The following ZBTB7B variants were observed in gnomAD, a reference collection of about 807,000 sequenced individuals.
The protein encoded by ZBTB7B is zinc finger and BTB domain containing 7B, also known as zinc finger and BTB domain-containing protein 7B.
A neutral mutation model predicts 31.0 loss-of-function variants in ZBTB7B; 8 were observed. That is an observed-to-expected ratio of 0.26 (90% CI 0.15 to 0.47). The LOEUF is 0.47. Among genes scored for constraint, ZBTB7B ranks in the 20% least tolerant of loss-of-function variants. ZBTB7B has a pLI of 0.99. For synonymous variants in ZBTB7B, 261 were observed against 307.3 expected (o/e 0.85, Z 1.58); for missense variants, 494 against 742.4 (o/e 0.67, Z 3.89).
Position 155,015,187 on chromosome 1 carries a change from A to G in ZBTB7B, c.527A>G (p.Asn176Ser), listed in dbSNP as rs151099517. The G allele has an allele frequency of 7.1e-5, 115 of 1,613,592 alleles. No individual in the cohort carries two copies. Among genetic ancestry groups the G allele is most frequent in the Middle Eastern group, 3.3e-4 (2 of 6,084 alleles). Residue 176 changes from asparagine (N) to serine (S), a missense_variant, in exon 2 of 3, where the codon AAT (asparagine) becomes AGT (serine). Physicochemically the swap from Asn to Ser is conservative, Grantham distance 46. Transcript: ENST00000535420. ...FATATASGVPNGEDSPPQVPL... is the reference protein window; with the variant it reads ...FATATASGVPSGEDSPPQVPL... ...ACAGCCACGGCCTCTGGAGTTCCCA[A>G]TGGTGAAGACAGTCCTCCACAGGTG...
Position 155,015,240 on chromosome 1 carries a change from C to T in ZBTB7B, c.580C>T (p.Pro194Ser). 6.2e-7 allele frequency: 1 copy of T among 1,613,776 alleles called. No individual in the cohort carries two copies. Among genetic ancestry groups the T allele is most frequent in the South Asian group, 1.1e-5 (1 of 91,080 alleles). The part of the protein sequence containing the change: ...VPLPPPPPPP[P>S]RPVARRSRKP... ...CCTCCCACCACCTCCGCCACCGCCA[C>T]CTCGGCCTGTTGCCCGCCGCAGCCG... Residue 194 changes from proline (P) to serine (S), a missense_variant, in exon 2 of 3, where the codon CCT becomes TCT. Pro to Ser is a moderately conservative substitution (Grantham distance 74). Around this residue, in one of 5 missense-constraint regions of ZBTB7B, gnomAD observed 216 missense variants for 229.3 expected, o/e 0.94. Transcript: ENST00000535420.
chr1:155,007,930 G>A (rs1384048385), intron 1 of ZBTB7B, among the ~76,000 whole-genome samples: 1 of 152,092 alleles, frequency 6.6e-6, no homozygotes, highest in Non-Finnish European at 1.5e-5. Flanking sequence ...GTGTCTGGGG[G>A]TCACTAGGGC....
chr1:155,013,364 C>T (rs1659130354), intron 1 of ZBTB7B, among the ~76,000 whole-genome samples: 2 of 152,326 alleles, frequency 1.3e-5, no homozygotes, highest in Non-Finnish European at 2.9e-5. Flanking sequence ...TGCTCCAGAC[C>T]CACAAAATGT....
At chr1:155,014,450 AC>A (rs1558089172) in intron 1 of ZBTB7B, 2 of 601,650 alleles carry the variant, frequency 3.3e-6, no homozygotes, top group African/African-American at 3.7e-5. Context: ...AAATCACTTC[AC>A]CTGTCTGAAC....
Position 155,004,386 on chromosome 1 carries a change from T to C in ZBTB7B, c.-7+1443T>C, listed in dbSNP as rs145259721. Among the ~76,000 whole-genome samples, 126 of 152,196 alleles carry C rather than the reference T, an allele frequency of 8.3e-4. 1 individual carries two copies. The highest frequency in any genetic ancestry group is 2.6e-3 in the African/African-American group (108 of 41,504). ...CAGGGACGGGGGAACCAGATTGGGC[T>C]GTGAGGGGTTAAAGCAGGATGGGAA... On this transcript the variant is annotated intron_variant, in intron 1 of 2. Coordinates refer to ENST00000535420, the MANE Select transcript of ZBTB7B (RefSeq NM_001256455.2). The surrounding 1 kb of genome is among the most constrained non-coding windows in gnomAD (Gnocchi z 4.0).
intron 1 of ZBTB7B, chr1:155,010,426 G>A (rs1243789376): frequency 6.4e-6 from 1 of 157,180 alleles, no homozygotes; most frequent in Non-Finnish European, 1.4e-5. Flanking sequence ...GAGGTTAGGA[G>A]GGGGAAGCGT....
rs771610219 is a variant in ZBTB7B, at chr1:155,016,424, C to A, written c.1359C>A (p.Asn453Lys). The change falls in exon 3 of 3, where the codon AAC becomes AAA. Residue 453 changes from asparagine to lysine, a missense_variant. By Grantham distance (94) the Asn-to-Lys change is moderately conservative (BLOSUM62 0). Coordinates refer to ENST00000535420, the MANE Select transcript of ZBTB7B (RefSeq NM_001256455.2). The surrounding 1 kb of genome is among the most constrained non-coding windows in gnomAD (Gnocchi z 4.3). ...DHLQRHLKGQ[N>K]CLEVRTRRRR... ...TGCAGCGCCACCTCAAAGGCCAGAA[C>A]TGCCTGGAGGTGCGCACCCGACGGC... 1.2e-6 allele frequency: 2 copies of A among 1,614,160 alleles called. No homozygotes were observed. Among genetic ancestry groups the A allele is most frequent in the Non-Finnish European group, 1.7e-6 (2 of 1,180,020 alleles).
chr1:155,008,268 G>A (rs969970198), intron 1 of ZBTB7B, among the ~76,000 whole-genome samples: 13 of 152,304 alleles, frequency 8.5e-5, no homozygotes, highest in Admixed American at 2.0e-4. Flanking sequence ...GTTGGCACCC[G>A]GGCAAGGAAC....
intron 2 of ZBTB7B, 33 bp downstream of exon 2, chr1:155,015,847 G>T: frequency 1.3e-6 from 2 of 1,594,998 alleles, no homozygotes; most frequent in Non-Finnish European, 1.7e-6. Flanking sequence ...CCCGGCAGGG[G>T]CCATGGGTAG....
At chr1:155,007,371 C>G (rs1054073575) in intron 1 of ZBTB7B, among the ~76,000 whole-genome samples, 1 of 152,198 alleles carries the variant, frequency 6.6e-6, no homozygotes, top group Non-Finnish European at 1.5e-5. Flanking sequence ...AGCAGCCCCA[C>G]CCCACTCCCT....
chr1:155,012,764 C>T (rs1422898129), intron 1 of ZBTB7B, among the ~76,000 whole-genome samples: 2 of 151,324 alleles, frequency 1.3e-5, no homozygotes, highest in African/African-American at 2.4e-5. Flanking sequence ...CTTCTTGTGT[C>T]CTAAAGAGGA....
intron 1 of ZBTB7B, among the ~76,000 whole-genome samples, chr1:155,012,035 GC>G (rs1659023194): frequency 1.3e-5 from 2 of 152,292 alleles, no homozygotes; most frequent in Admixed American, 6.5e-5. Context: ...CATGTCCTCT[GC>G]CTCTCCCCCT....
Position 155,015,488 on chromosome 1 carries a change from G to A in ZBTB7B, c.828G>A (p.Glu276=). ...GPQSYEPYEG[E]EEEEELVYPP... ...AGAGCTACGAACCCTATGAGGGTGA[G>A]GAAGAAGAAGAGGAGCTGGTATATC... The change falls in exon 2 of 3, where the codon GAG becomes GAA. Residue 276 remains glutamate (E), a synonymous_variant. Transcript: ENST00000535420. 2 of 1,613,126 alleles carry A rather than the reference G, an allele frequency of 1.2e-6. No homozygotes were observed. Among genetic ancestry groups the A allele is most frequent in the African/African-American group, 2.7e-5 (2 of 75,028 alleles).
chr1:155,014,652 CAGG>C lies in ZBTB7B; in HGVS notation c.-6_-4del. Reference sequence around the variant, plus strand: ...TTAATCTCCCCTCTACTTGACTCTGCAGGAGAAGATGGGGAGCCCCGAGGATGA... The same window carrying C: ...TTAATCTCCCCTCTACTTGACTCTGCAGAAGATGGGGAGCCCCGAGGATGA... On this transcript the variant is annotated splice_acceptor_variant and 5_prime_UTR_variant, in exon 2 of 3. Coordinates refer to ENST00000535420, the MANE Select transcript of ZBTB7B (RefSeq NM_001256455.2). LOFTEE classifies it low-confidence loss of function (5UTR_SPLICE). 1 of 1,608,504 alleles carries C rather than the reference CAGG, an allele frequency of 6.2e-7. No homozygotes were observed. The highest frequency in any genetic ancestry group is 2.2e-5 in the East Asian group (1 of 44,790).
chr1:155,002,078 G>A (rs1658254802), upstream of ZBTB7B, among the ~76,000 whole-genome samples: 1 of 151,904 alleles, frequency 6.6e-6, no homozygotes, highest in Non-Finnish European at 1.5e-5. Context: ...CCCTGTAGGG[G>A]GTGCTCGATT....
At chr1:155,014,345 T>C in intron 1 of ZBTB7B, 1 of 285,944 alleles carries the variant, frequency 3.5e-6, no homozygotes, top group Non-Finnish European at 6.6e-6. Flanking sequence ...GCAGGGCTCC[T>C]GCTGCCACAG....
In ZBTB7B at chr1:155,004,144, G is replaced by A. The variant is rs1183818708; in HGVS notation, c.-7+1201G>A. On this transcript the variant is annotated intron_variant, in intron 1 of 2. Transcript: ENST00000535420. The surrounding 1 kb of genome is among the most constrained non-coding windows in gnomAD (Gnocchi z 4.0). Reference sequence around the variant, plus strand: ...CGGTGCTAGCTGACCCACAGGAAACGAGCGCTGCTGACCTAGTTTGGGACA... The same window carrying A: ...CGGTGCTAGCTGACCCACAGGAAACAAGCGCTGCTGACCTAGTTTGGGACA... 6.6e-6 allele frequency among the ~76,000 whole-genome samples: 1 copy of A among 152,228 alleles called. No individual in the cohort carries two copies. Among genetic ancestry groups the A allele is most frequent in the Admixed American group, 6.5e-5 (1 of 15,288 alleles).
chr1:155,004,499 A>G lies in ZBTB7B; in HGVS notation c.-7+1556A>G, dbSNP rs1658439805. ...GCCTCCTGCTGCCCCACACACACCA[A>G]CTGGTTTGGTCACCCCTGTACCCGC... On this transcript the variant is annotated intron_variant, in intron 1 of 2. Coordinates refer to ENST00000535420, the MANE Select transcript of ZBTB7B (RefSeq NM_001256455.2). This position sits in a 1 kb window ranked among gnomAD's most constrained non-coding sequence, Gnocchi z 4.0. Among the ~76,000 whole-genome samples, 1 of 152,056 alleles carries G rather than the reference A, an allele frequency of 6.6e-6. No homozygotes were observed. The highest frequency in any genetic ancestry group is 1.5e-5 in the Non-Finnish European group (1 of 67,968).
chr1:155,006,075 A>G (rs533675723), intron 1 of ZBTB7B, among the ~76,000 whole-genome samples: 1 of 152,280 alleles, frequency 6.6e-6, no homozygotes, highest in African/African-American at 2.4e-5. Flanking sequence ...AGTGGCTTCA[A>G]AGCAGGTCCT....
Sources: gnomAD v4.1 joint callset for allele counts (sites outside exome capture counted in the v4.1 genomes callset) on GRCh38, gnomAD v4.1.1 for gene constraint, gnomAD v4.1.1 regional missense constraint, Gnocchi (gnomAD v3.1) non-coding constraint, MANE v1.5 for transcripts, NCBI Gene and HGNC (gene_info 2026-07-23, HGNC 2026-07-21) for gene names.